The following LRRTM4 variants were observed in gnomAD, a reference collection of about 807,000 sequenced individuals.
LRRTM4 encodes leucine rich repeat transmembrane neuronal 4.
A neutral mutation model predicts 47.6 loss-of-function variants in LRRTM4; 25 were observed. That is an observed-to-expected ratio of 0.53 (90% CI 0.38 to 0.73). The LOEUF (loss-of-function observed/expected upper bound fraction) is 0.73, where lower values mean the gene tolerates loss of function less well. Among genes scored for constraint, LRRTM4 ranks in the 30% least tolerant of loss-of-function variants. The pLI, the probability that LRRTM4 is intolerant of heterozygous loss-of-function variation, is 0.00. For missense variants in LRRTM4, 638 were observed against 713.4 expected, an observed-to-expected ratio of 0.89 and a Z score of 1.20; for synonymous variants, 311 against 269.5, an observed-to-expected ratio of 1.15 and a Z score of -1.51.
In LRRTM4 at chr2:77,360,195, C is replaced by T. The variant is rs145110783; in HGVS notation, c.1551+158123G>A. On this transcript the variant is annotated intron_variant, in intron 3 of 3. Transcript: ENST00000409884. ...CTTGTAGGCCGGGAACAGTGGCTCA[C>T]GCCTGTAATCCCAGTACTACGGCAA... Among the ~76,000 whole-genome samples the T allele has an allele frequency of 3.9e-5, 6 of 152,198 alleles. No homozygotes were observed. The East Asian group carries it at 1.2e-3, about 29-fold the overall frequency.
intron 3 of LRRTM4, among the ~76,000 whole-genome samples, chr2:77,026,417 T>G (rs1678455329): frequency 6.6e-6 from 1 of 152,112 alleles, no homozygotes; most frequent in Non-Finnish European, 1.5e-5. Flanking sequence ...ATGCTTGGTT[T>G]TTAACCCACA....
chr2:77,281,390 T>G (rs1676502614), intron 3 of LRRTM4, among the ~76,000 whole-genome samples: 1 of 151,988 alleles, frequency 6.6e-6, no homozygotes, highest in Non-Finnish European at 1.5e-5. Context: ...GTTTCTTAAT[T>G]TGAGCTTCTA....
intron 3 of LRRTM4, among the ~76,000 whole-genome samples, chr2:77,215,855 A>C (rs566140476): frequency 6.6e-6 from 1 of 152,336 alleles, no homozygotes; most frequent in African/African-American, 2.4e-5. Flanking sequence ...AGTCTTAATT[A>C]GTGAAGTCTG....
At chr2:77,177,828 A>AT (rs1329658730) in intron 3 of LRRTM4, among the ~76,000 whole-genome samples, 1 of 152,182 alleles carries the variant, frequency 6.6e-6, no homozygotes, top group Non-Finnish European at 1.5e-5. Flanking sequence ...GACTCAGCTG[A>AT]TGCTACCAGG....
chr2:76,919,483 G>C (rs1018132304), intron 3 of LRRTM4, among the ~76,000 whole-genome samples: 1 of 152,114 alleles, frequency 6.6e-6, no homozygotes, highest in Non-Finnish European at 1.5e-5. Flanking sequence ...TGAGGTTTGA[G>C]CAACCCAGCC....
At chr2:77,166,261 G>A (rs181246579) in intron 3 of LRRTM4, among the ~76,000 whole-genome samples, 10 of 152,244 alleles carry the variant, frequency 6.6e-5, no homozygotes, top group African/African-American at 9.6e-5. Context: ...GGATGTGAAG[G>A]ACCTCTTCAA....
At chr2:77,208,593 C>CAT (rs937628410) in intron 3 of LRRTM4, among the ~76,000 whole-genome samples, 2 of 151,898 alleles carry the variant, frequency 1.3e-5, no homozygotes, top group African/African-American at 4.8e-5. Flanking sequence ...GTATGTCACA[C>CAT]ATATATATGA....
At chr2:77,510,911 A>C (rs958634394) in intron 3 of LRRTM4, among the ~76,000 whole-genome samples, 1 of 152,112 alleles carries the variant, frequency 6.6e-6, no homozygotes, top group East Asian at 1.9e-4. Flanking sequence ...CCTGCAGTCA[A>C]AATGTTTACT....
intron 3 of LRRTM4, among the ~76,000 whole-genome samples, chr2:77,341,838 TA>T (rs1169652265): frequency 3.3e-5 from 5 of 151,906 alleles, no homozygotes; most frequent in Non-Finnish European, 7.4e-5. Flanking sequence ...AAAGCATTTG[TA>T]AAAACAAAAC....
At chr2:76,767,420 G>A (rs1673500265) in intron 3 of LRRTM4, among the ~76,000 whole-genome samples, 1 of 152,100 alleles carries the variant, frequency 6.6e-6, no homozygotes, top group African/African-American at 2.4e-5. Flanking sequence ...GGTAGTAATA[G>A]GATTCCCATT....
intron 3 of LRRTM4, among the ~76,000 whole-genome samples, chr2:77,270,650 C>T (rs1016989603): frequency 6.6e-6 from 1 of 152,208 alleles, no homozygotes; most frequent in African/African-American, 2.4e-5. Context: ...CTCACCCTCT[C>T]TTATGATAGT....
chr2:77,160,432 T>C (rs775687029), intron 3 of LRRTM4, among the ~76,000 whole-genome samples: 3 of 152,088 alleles, frequency 2.0e-5, no homozygotes, highest in Non-Finnish European at 4.4e-5. Context: ...TTTGGGGGCA[T>C]GTAAATCACT....
intron 3 of LRRTM4, among the ~76,000 whole-genome samples, chr2:77,411,370 A>ATTTCTTTCTTTCTTTCTCTC (rs1674414468): frequency 6.8e-6 from 1 of 146,846 alleles, no homozygotes; most frequent in Non-Finnish European, 1.5e-5. Flanking sequence ...GGGGTCTTCG[A>ATTTCTTTCTTTCTTTCTCTC]TTTCTTTCTT....
At chr2:76,809,988 T>A (rs1670685385) in intron 3 of LRRTM4, among the ~76,000 whole-genome samples, 1 of 152,340 alleles carries the variant, frequency 6.6e-6, no homozygotes, top group Middle Eastern at 3.4e-3. Flanking sequence ...CAGCTGTGAC[T>A]TGTTCTCCAT....
At chr2:77,303,658 T>C (rs538839933) in intron 3 of LRRTM4, among the ~76,000 whole-genome samples, 12 of 152,178 alleles carry the variant, frequency 7.9e-5, no homozygotes, top group Non-Finnish European at 1.5e-4. Context: ...ATTATCTACT[T>C]CTATGATATC....
chr2:77,510,879 G>A (rs536308339), intron 3 of LRRTM4, among the ~76,000 whole-genome samples: 2 of 151,900 alleles, frequency 1.3e-5, no homozygotes, highest in African/African-American at 2.4e-5. Flanking sequence ...GTTACTCTAC[G>A]TCTGACCATT....
At chr2:76,867,421 A>G (rs566818153) in intron 3 of LRRTM4, among the ~76,000 whole-genome samples, 2 of 152,188 alleles carry the variant, frequency 1.3e-5, no homozygotes, top group Non-Finnish European at 2.9e-5. Flanking sequence ...TTAAAATAAA[A>G]TACCTGGGTT....
intron 1 of LRRTM4, 128 bp from the exon 2 acceptor site, chr2:77,521,946 G>T (rs529317175): frequency 4.0e-4 from 233 of 576,234 alleles, no homozygotes; most frequent in Non-Finnish European, 6.9e-5. Context: ...GCCGTTGGGG[G>T]GATAGGGATG....
intron 3 of LRRTM4, among the ~76,000 whole-genome samples, chr2:77,016,079 T>C (rs1179958403): frequency 6.7e-6 from 1 of 150,342 alleles, no homozygotes; most frequent in Non-Finnish European, 1.5e-5. Context: ...AGATTCTGTC[T>C]CCAAAACAAA....
Sources: allele counts gnomAD v4.1 joint callset (sites outside exome capture counted in the v4.1 genomes callset), GRCh38; gene constraint gnomAD v4.1.1; transcripts MANE v1.5; gene names NCBI Gene and HGNC (gene_info 2026-07-23, HGNC 2026-07-21).